Variants in ZZEF1 observed in about 807,000 individuals in gnomAD.
ZZEF1 encodes the protein zinc finger ZZ-type and EF-hand domain containing 1, also known as zinc finger ZZ-type and EF-hand domain-containing protein 1.
ZZEF1 carries 157 observed loss-of-function variants against 342.8 expected under a neutral mutation model. The ratio of observed to expected loss-of-function variants is 0.46; its 90% confidence interval spans 0.40 to 0.52. The LOEUF (loss-of-function observed/expected upper bound fraction) is 0.52. ZZEF1 is among the 20% of genes least tolerant of loss of function. The pLI, the probability that ZZEF1 is intolerant of heterozygous loss-of-function variation, is 0.00. For synonymous variants in ZZEF1, 1,505 were observed against 1,429.1 expected, an observed-to-expected ratio of 1.05 and a Z score of -1.20; for missense variants, 3,480 against 3,725.6, an observed-to-expected ratio of 0.93 and a Z score of 1.72.
At chr17:4,069,431 A>C (rs9910462) in intron 26 of ZZEF1, among the ~76,000 whole-genome samples, 24,252 of 152,160 alleles carry the variant, frequency 0.16, 2,142 homozygotes, top group African/African-American at 0.24. Context: ...AGGAGATATT[A>C]AGATTTGGGG....
chr17:4,117,244 G>T, intron 2 of ZZEF1, 78 bp from the exon 3 acceptor site: 1 of 1,143,320 alleles, frequency 8.7e-7, no homozygotes, highest in Non-Finnish European at 1.2e-6. Flanking sequence ...TGGCCTATCT[G>T]AATTGGCTAA....
rs551159827 is a variant in ZZEF1, at chr17:4,134,429, T to C, written c.354+8113A>G. 1.1e-3 allele frequency among the ~76,000 whole-genome samples: 159 copies of C among 150,974 alleles called. 2 individuals are homozygous for C. Among genetic ancestry groups the C allele is most frequent in the Non-Finnish European group, 3.4e-4 (23 of 67,846 alleles). On this transcript the variant is annotated intron_variant, in intron 1 of 54. Transcript: ENST00000381638. ...GTGTTTGGCTCTGTGGATACAAAGA[T>C]GAATAGGGCACACAGTCCTTTCCCT... is the stretch of plus-strand genomic sequence containing the variant.
chr17:4,087,909 TACTGACGCCTTCCCCGTGCATGG>T (rs1567830178), intron 13 of ZZEF1, among the ~76,000 whole-genome samples: 1 of 152,030 alleles, frequency 6.6e-6, no homozygotes, highest in Non-Finnish European at 1.5e-5. Flanking sequence ...TACTACAATA[TACTGACGCCTTCCCCGTGCATGG>T]ACTGAAAGGT....
chr17:4,065,626 T>G (rs1382339695), intron 28 of ZZEF1, among the ~76,000 whole-genome samples: 1 of 152,188 alleles, frequency 6.6e-6, no homozygotes, highest in Admixed American at 6.5e-5. Flanking sequence ...TCCGTCATTA[T>G]TAACTCACGG....
intron 4 of ZZEF1, among the ~76,000 whole-genome samples, chr17:4,113,854 C>T (rs1041272725): frequency 1.3e-5 from 2 of 150,676 alleles, no homozygotes; most frequent in Non-Finnish European, 3.0e-5. Context: ...CTGCCTAAAT[C>T]CCAGCGACTG....
chr17:4,063,016 G>A (rs1388864031), intron 29 of ZZEF1, 99 bp from the exon 30 acceptor site: 2 of 1,260,986 alleles, frequency 1.6e-6, no homozygotes, highest in African/African-American at 1.5e-5. Flanking sequence ...TATCAAAGAG[G>A]AAACACTATT....
In ZZEF1 at chr17:4,014,127, G is replaced by C; in HGVS notation, c.8376C>G (p.Phe2792Leu). The C allele has an allele frequency of 1.9e-6, 3 of 1,614,188 alleles. No individual in the cohort carries two copies. The highest frequency in any genetic ancestry group is 2.5e-6 in the Non-Finnish European group (3 of 1,180,040). ...DMSNTEWGYR[F>L]TVTAGHLGRF... Reference sequence around the variant, plus strand: ...GCCCCAGGTGTCCGGCCGTCACGGTGAATCTGTAGCCCCACTCGGTGTTGC... The same window carrying C: ...GCCCCAGGTGTCCGGCCGTCACGGTCAATCTGTAGCCCCACTCGGTGTTGC... Residue 2792 changes from phenylalanine to leucine, a missense_variant, in exon 51 of 55, where the codon TTC becomes TTG. Physicochemically the swap from Phe to Leu is conservative, Grantham distance 22 (BLOSUM62 0). Transcript: ENST00000381638. This position sits in a 1 kb window ranked among gnomAD's most constrained non-coding sequence, Gnocchi z 4.4.
Position 4,024,989 on chromosome 17 carries a change from T to C in ZZEF1, c.7022A>G (p.His2341Arg), listed in dbSNP as rs534034976. 1.4e-5 allele frequency: 22 copies of C among 1,614,160 alleles called. No homozygotes were observed. In the East Asian group the frequency reaches 3.3e-4, roughly 25 times the overall value. ...SHLLQSSMDS[H>R]CPEAVEATWV... The stretch of plus-strand genomic sequence containing the variant: ...AGTTGCTTCTACTGCCTCGGGACAA[T>C]GGCTGTCCATGCTGCTTTGCAGAAG... The change falls in exon 43 of 55, where the codon CAT (histidine) becomes CGT (arginine). Residue 2341 changes from histidine (H) to arginine (R), a missense_variant. By Grantham distance (29) the His-to-Arg change is conservative. Transcript: ENST00000381638.
At chr17:4,127,088 C>T (rs2058584804) in intron 1 of ZZEF1, among the ~76,000 whole-genome samples, 1 of 151,816 alleles carries the variant, frequency 6.6e-6, no homozygotes, top group Non-Finnish European at 1.5e-5. Flanking sequence ...TCACTGTAAC[C>T]TCAAACTCCT....
chr17:4,066,374 G>A, intron 28 of ZZEF1, 73 bp downstream of exon 28: 1 of 1,277,910 alleles, frequency 7.8e-7, no homozygotes, highest in Non-Finnish European at 1.1e-6. Context: ...TCTAGAAGGT[G>A]AGTAATTGGT....
At position 4,032,924 on chromosome 17, in the gene ZZEF1, G is replaced by A; in HGVS notation, c.6663C>T (p.Val2221=). ...TGCAGTGGTCTGTGAAGGTGGCAAT[G>A]ACATCACGCCACAGTGGGGCACTGT... The part of the protein sequence containing the change: ...SLNSAPLWRD[V]IATFTDHCIK... Residue 2221 remains valine (V), a synonymous_variant, in exon 41 of 55, where the codon GTC becomes GTT. Transcript: ENST00000381638. The A allele has an allele frequency of 6.2e-7, 1 of 1,613,382 alleles. No homozygotes were observed. Among genetic ancestry groups the A allele is most frequent in the East Asian group, 2.2e-5 (1 of 44,860 alleles).
intron 26 of ZZEF1, among the ~76,000 whole-genome samples, chr17:4,067,863 G>A (rs779135780): frequency 4.8e-4 from 73 of 152,200 alleles, no homozygotes; most frequent in Non-Finnish European, 6.0e-4. Context: ...TAGATTGCTT[G>A]AGGCCAGGAG....
rs1400922127 is a variant in ZZEF1 at position 4,005,767 on chromosome 17, G to A, written c.*1123C>T. On this transcript the variant is annotated 3_prime_UTR_variant, in exon 55 of 55. Transcript: ENST00000381638. The stretch of plus-strand genomic sequence containing the variant: ...CTTCGGCCCAGACACTGCCCCTAAA[G>A]GCATGCTCCAACCCCACGGGTCCCA... 6.6e-6 allele frequency: 1 copy of A among 152,270 alleles called. No individual in the cohort carries two copies. The highest frequency in any genetic ancestry group is 1.5e-5 in the Non-Finnish European group (1 of 68,092). The allele number at this position is 152,270 out of a possible 1,614,324, so 9.4% of individuals were successfully genotyped here.
In ZZEF1 at chr17:4,142,633, A is replaced by G. The variant is rs2058882134; in HGVS notation, c.263T>C (p.Leu88Pro). Residue 88 changes from leucine to proline, a missense_variant, in exon 1 of 55, where the codon CTG becomes CCG. This residue lies in a region of ZZEF1 where 416 missense variants were observed against 374.2 expected (regional missense o/e 1.11). Transcript: ENST00000381638. ...GALFRWLEERLGRGEESVTLE... is the reference protein window; with the variant it reads ...GALFRWLEERPGRGEESVTLE... ...AGTGACAGACTCTTCGCCGCGGCCC[A>G]GCCGCTCTTCCAGCCAGCGAAACAA... is the stretch of plus-strand genomic sequence containing the variant. 6.2e-7 allele frequency: 1 copy of G among 1,606,594 alleles called. No individual in the cohort carries two copies. Among genetic ancestry groups the G allele is most frequent in the South Asian group, 1.1e-5 (1 of 91,054 alleles).
intron 1 of ZZEF1, 54 bp downstream of exon 1, chr17:4,142,488 T>C: frequency 6.4e-7 from 1 of 1,560,018 alleles, no homozygotes; most frequent in Non-Finnish European, 8.6e-7. Context: ...CTTCCTTCAG[T>C]CCCCTGGGGG....
chr17:4,074,041 G>A (rs762176514), intron 24 of ZZEF1, 109 bp downstream of exon 24: 29 of 1,200,506 alleles, frequency 2.4e-5, no homozygotes, highest in East Asian at 1.9e-4. Context: ...CTGAAAAGGC[G>A]TATTATTAAC....
rs778877761 is a variant in ZZEF1 at position 4,104,752 on chromosome 17, C to T, written c.1454G>A (p.Ser485Asn). 3.1e-6 allele frequency: 5 copies of T among 1,614,168 alleles called. No homozygotes were observed. Among genetic ancestry groups the T allele is most frequent in the Non-Finnish European group, 4.2e-6 (5 of 1,180,008 alleles). Reference sequence around the variant, plus strand: ...TAGAGAGCTCATGACTTTGGCAACACTTCCTCTTGCGAGAGCAAAAGCCAG... The same window carrying T: ...TAGAGAGCTCATGACTTTGGCAACATTTCCTCTTGCGAGAGCAAAAGCCAG... ...TLLAFALARG[S>N]VAKVMSSLCT... Residue 485 changes from serine (S) to asparagine (N), a missense_variant, in exon 8 of 55, where the codon AGT becomes AAT. Physicochemically the swap from Ser to Asn is conservative, Grantham distance 46. Transcript: ENST00000381638.
rs138601088 is a variant in ZZEF1, at chr17:4,034,127, T to G, written c.6472A>C (p.Lys2158Gln). The G allele has an allele frequency of 6.2e-7, 1 of 1,614,208 alleles. No individual in the cohort carries two copies. The highest frequency in any genetic ancestry group is 2.2e-5 in the East Asian group (1 of 44,880). The change falls in exon 40 of 55, where the codon AAA (lysine) becomes CAA (glutamine). Residue 2158 changes from lysine to glutamine, a missense_variant. Lys to Gln is a moderately conservative substitution (Grantham distance 53, BLOSUM62 1). Transcript: ENST00000381638. ...LPAEVDAAVI[K>Q]VLSAKHNLFA... The stretch of plus-strand genomic sequence containing the variant: ...AGGTTGTGTTTGGCTGAGAGGACTT[T>G]GATCACTGCGGCGTCTACCTCTGCT...
At chr17:4,136,258 C>T (rs1033992762) in intron 1 of ZZEF1, among the ~76,000 whole-genome samples, 10 of 148,116 alleles carry the variant, frequency 6.8e-5, no homozygotes, top group African/African-American at 1.7e-4. Context: ...GCAGGAGAAT[C>T]GCTTAAAACT....
Sources: gnomAD v4.1 joint callset for allele counts (sites outside exome capture counted in the v4.1 genomes callset) on GRCh38, gnomAD v4.1.1 for gene constraint, gnomAD v4.1.1 regional missense constraint, Gnocchi (gnomAD v3.1) non-coding constraint, MANE v1.5 for transcripts, NCBI Gene and HGNC (gene_info 2026-07-23, HGNC 2026-07-21) for gene names.